LSP1: variants seen among roughly 807,000 people sequenced by gnomAD.
LSP1 encodes the protein lymphocyte-specific protein 1.
LSP1 carries 32 observed loss-of-function variants against 49.3 expected under a neutral mutation model. The observed-to-expected ratio is 0.65, with a 90% CI of 0.49 to 0.87. LSP1 has a LOEUF of 0.87. Ranked by LOEUF, LSP1 falls within the 40% of genes least tolerant of loss-of-function variation. The probability of loss-of-function intolerance (pLI) is 0.00; values close to 1 mark genes in which losing one functional copy is unlikely to be tolerated. For missense variants in LSP1, 428 were observed against 442.6 expected (o/e 0.97, Z 0.30); for synonymous variants, 179 against 178.8 (o/e 1.00, Z -0.01).
chr11:1,868,931 CCAGAGGGAGCA>C, intron 1 of LSP1: 2 of 986,066 alleles, frequency 2.0e-6, no homozygotes, highest in Non-Finnish European at 1.2e-6. Flanking sequence ...CACCCTGAGG[CCAGAGGGAGCA>C]TGGCCCCGGG....
At chr11:1,868,691 C>A (rs1372000383) in intron 1 of LSP1, 2 of 985,666 alleles carry the variant, frequency 2.0e-6, no homozygotes, top group Non-Finnish European at 2.4e-6. Context: ...AGTCGGTCTT[C>A]GGACAGAGCC....
At chr11:1,865,466 T>A (rs1461680658) in intron 1 of LSP1, among the ~76,000 whole-genome samples, 1 of 151,956 alleles carries the variant, frequency 6.6e-6, no homozygotes, top group Non-Finnish European at 1.5e-5. Context: ...TCCTGGCTCC[T>A]GGCAGCTGCC....
At chr11:1,856,377 G>T (rs1358455262) in intron 1 of LSP1, among the ~76,000 whole-genome samples, 1 of 152,238 alleles carries the variant, frequency 6.6e-6, no homozygotes, top group Admixed American at 6.5e-5. Context: ...GTTTTGGAAG[G>T]TGTCAGAGCC....
chr11:1,881,953 T>C (rs528921454), intron 3 of LSP1, among the ~76,000 whole-genome samples: 52 of 152,270 alleles, frequency 3.4e-4, no homozygotes, highest in African/African-American at 1.2e-3. Flanking sequence ...GGCCGGGTGC[T>C]GCCACATCAG....
chr11:1,854,796 T>G lies in LSP1; in HGVS notation c.53+1599T>G, dbSNP rs565447183. On this transcript the variant is annotated intron_variant, in intron 1 of 10. Transcript: ENST00000311604. ...GCACCACCCCCAGCCCTGGACTAGG[T>G]GCTGCTCCTGGTCACCTCATGCCCA... Among the ~76,000 whole-genome samples the G allele has an allele frequency of 3.9e-5, 6 of 152,258 alleles. No individual in the cohort carries two copies. In the East Asian group the frequency reaches 1.2e-3, roughly 29 times the overall value.
At chr11:1,869,045 G>C (rs1847886563) in intron 1 of LSP1, 1 of 976,526 alleles carries the variant, frequency 1.0e-6, no homozygotes. Context: ...GCCACTGCAA[G>C]TGGGAGCTTG....
intron 2 of LSP1, 79 bp from the exon 3 acceptor site, chr11:1,881,353 G>A (rs1426737066): frequency 7.3e-7 from 1 of 1,378,988 alleles, no homozygotes; most frequent in Admixed American, 2.7e-5. Flanking sequence ...GGCCTGAGCG[G>A]GCGCCGTGAG....
At chr11:1,889,410 G>A in intron 10 of LSP1, 3 of 682,520 alleles carry the variant, frequency 4.4e-6, no homozygotes, top group African/African-American at 1.8e-5. Context: ...GGAGGCGGGG[G>A]CCCGGGGTGC....
intron 1 of LSP1, among the ~76,000 whole-genome samples, chr11:1,871,831 G>C (rs1166759742): frequency 6.7e-6 from 1 of 149,300 alleles, no homozygotes; most frequent in African/African-American, 2.5e-5. Context: ...CTTTTGGGAC[G>C]GGGTGTGTGT....
At chr11:1,861,998 GGTGGATGGATGGATGA>G (rs1335535573) in intron 1 of LSP1, among the ~76,000 whole-genome samples, 3 of 151,698 alleles carry the variant, frequency 2.0e-5, no homozygotes, top group Non-Finnish European at 4.4e-5. Context: ...TGAATGGATG[GGTGGATGGATGGATGA>G]GTGGATGGAT....
rs1409196804 is a variant in LSP1 at position 1,861,392 on chromosome 11, A to G, written c.53+8195A>G. Among the ~76,000 whole-genome samples, 4 of 152,390 alleles carry G rather than the reference A, an allele frequency of 2.6e-5. No homozygotes were observed. In the South Asian group the frequency reaches 8.3e-4, roughly 32 times the overall value. ...GGGACTTTGTTAATGCTGAATCCCC[A>G]GCACCTTCAAAGTGTCTGAATTCAG... On this transcript the variant is annotated intron_variant, in intron 1 of 10. Transcript: ENST00000311604.
chr11:1,854,702 G>A (rs1355528323), intron 1 of LSP1, among the ~76,000 whole-genome samples: 1 of 152,094 alleles, frequency 6.6e-6, no homozygotes, highest in South Asian at 2.1e-4. Flanking sequence ...TGCCCAGGCC[G>A]TGTGCAGGGA....
At chr11:1,854,596 C>T (rs1452308931) in intron 1 of LSP1, among the ~76,000 whole-genome samples, 1 of 152,176 alleles carries the variant, frequency 6.6e-6, no homozygotes, top group Non-Finnish European at 1.5e-5. Context: ...ACCCCGAGTG[C>T]CGTGAGTGGA....
intron 2 of LSP1, chr11:1,880,536 C>T (rs570467098): frequency 3.5e-6 from 1 of 283,278 alleles, no homozygotes; most frequent in Non-Finnish European, 6.6e-6. Context: ...CCACCAGACT[C>T]CCCCGCCAGT....
intron 1 of LSP1, among the ~76,000 whole-genome samples, chr11:1,856,458 C>T (rs555596624): frequency 2.0e-5 from 3 of 152,374 alleles, no homozygotes; most frequent in East Asian, 3.9e-4. Flanking sequence ...CCTGCCCAGC[C>T]CGCGGTGGGA....
intron 1 of LSP1, chr11:1,871,361 C>T (rs1272746723): frequency 5.1e-6 from 5 of 986,054 alleles, no homozygotes; most frequent in East Asian, 1.1e-4. Context: ...AGCTGCAGAG[C>T]GGGACAAGGG....
Position 1,866,908 on chromosome 11 carries a change from C to G in LSP1, c.54-13179C>G, listed in dbSNP as rs1250098025. Reference sequence around the variant, plus strand: ...AGCGGGCCCAGCACCAACTGCAGCCCCAGGTGAGCAAGCCGCACTCAGGAG... The same window carrying G: ...AGCGGGCCCAGCACCAACTGCAGCCGCAGGTGAGCAAGCCGCACTCAGGAG... On this transcript the variant is annotated intron_variant, in intron 1 of 10. Transcript: ENST00000311604. 7 of 1,511,258 alleles carry G rather than the reference C, an allele frequency of 4.6e-6. No homozygotes were observed. In the Admixed American group the frequency reaches 1.0e-4, roughly 22 times the overall value. The allele number at this position is 1,511,258 out of a possible 1,614,324, so 93.6% of individuals were successfully genotyped here. A position where few individuals can be genotyped will look rare whatever the true frequency, so the allele number is the denominator to read the frequency against.
intron 10 of LSP1, chr11:1,889,852 G>T (rs1202200697): frequency 6.3e-6 from 4 of 632,486 alleles, no homozygotes; most frequent in Non-Finnish European, 1.2e-5. Context: ...GGTACAGGGG[G>T]CTCCTCAGGC....
At chr11:1,866,822 T>G (rs1270566785) in intron 1 of LSP1, 27 of 1,549,720 alleles carry the variant, frequency 1.7e-5, no homozygotes, top group Non-Finnish European at 2.2e-5. Context: ...GCAGAGCCCC[T>G]GCCTGGCTGT....
Sources: allele counts gnomAD v4.1 joint callset (sites outside exome capture counted in the v4.1 genomes callset), GRCh38; gene constraint gnomAD v4.1.1; transcripts MANE v1.5; gene names NCBI Gene and HGNC (gene_info 2026-07-23, HGNC 2026-07-21).